The following ASXL3 variants were observed in gnomAD, a reference collection of about 807,000 sequenced individuals.
ASXL3 encodes the protein putative Polycomb group protein ASXL3.
Under a neutral mutation model 170.6 loss-of-function variants are expected in ASXL3, and 34 were observed. That is an observed-to-expected ratio of 0.20 (90% CI 0.15 to 0.27). ASXL3 has a LOEUF of 0.27. Ranked by LOEUF, ASXL3 falls within the 10% of genes least tolerant of loss-of-function variation. The pLI is 1.00. For missense variants in ASXL3, 2,592 were observed against 2,695.3 expected (o/e 0.96, Z 0.85); for synonymous variants, 1,002 against 989.1 (o/e 1.01, Z -0.24).
In ASXL3 at chr18:33,739,549, A is replaced by G; in HGVS notation, c.2145A>G (p.Glu715=). 1 of 1,613,960 alleles carries G rather than the reference A, an allele frequency of 6.2e-7. No homozygotes were observed. The highest frequency in any genetic ancestry group is 8.5e-7 in the Non-Finnish European group (1 of 1,179,858). Reference sequence around the variant, plus strand: ...TATCCAACTTACCTTTAACATCAGAAACCTCACCGATGTCTGACTTACCTT... The same window carrying G: ...TATCCAACTTACCTTTAACATCAGAGACCTCACCGATGTCTGACTTACCTT... ...SPVSNLPLTS[E]TSPMSDLPLT... Residue 715 remains glutamate (E), a synonymous_variant, in exon 11 of 12, where the codon GAA becomes GAG. Transcript: ENST00000269197.
At chr18:33,695,743 A>G (rs2066764243) in intron 8 of ASXL3, among the ~76,000 whole-genome samples, 1 of 152,118 alleles carries the variant, frequency 6.6e-6, no homozygotes, top group African/African-American at 2.4e-5. Context: ...GCATTAAGCC[A>G]CTTTCTTTCT....
chr18:33,639,094 A>G (rs1378293129), intron 2 of ASXL3, among the ~76,000 whole-genome samples: 1 of 152,166 alleles, frequency 6.6e-6, no homozygotes, highest in Non-Finnish European at 1.5e-5. Flanking sequence ...CATTCTTTTT[A>G]CATTTAGATG....
At chr18:33,579,486 C>CT (rs1420060150) in intron 1 of ASXL3, among the ~76,000 whole-genome samples, 1 of 152,132 alleles carries the variant, frequency 6.6e-6, no homozygotes, top group Admixed American at 6.5e-5. Flanking sequence ...TTTTCCTTTT[C>CT]TTTAACCTTT....
chr18:33,728,964 T>C (rs2067396126), intron 8 of ASXL3, among the ~76,000 whole-genome samples: 1 of 152,204 alleles, frequency 6.6e-6, no homozygotes, highest in Admixed American at 6.5e-5. Flanking sequence ...GTAATACATA[T>C]GCATGAGTAA....
At chr18:33,597,098 AC>A (rs1201621204) in intron 1 of ASXL3, among the ~76,000 whole-genome samples, 1 of 152,170 alleles carries the variant, frequency 6.6e-6, no homozygotes, top group Non-Finnish European at 1.5e-5. Context: ...TACAGACGTG[AC>A]CCACTGCGCC....
At position 33,738,510 on chromosome 18, in the gene ASXL3, C is replaced by A. The variant is rs1467506385; in HGVS notation, c.1106C>A (p.Ser369Tyr). 6.2e-7 allele frequency: 1 copy of A among 1,611,018 alleles called. No individual in the cohort carries two copies. Among genetic ancestry groups the A allele is most frequent in the African/African-American group, 1.3e-5 (1 of 74,800 alleles). ...GEKLGMSREE[S>Y]VKLTTGPNNA... ...AGGCTGGGCATGTCAAGAGAGGAATCTGTGAAGCTCACTACTGGACCAAAC... is the reference window on the plus strand; with the variant it reads ...AGGCTGGGCATGTCAAGAGAGGAATATGTGAAGCTCACTACTGGACCAAAC... The change falls in exon 11 of 12, where the codon TCT becomes TAT. Residue 369 changes from serine to tyrosine, a missense_variant. This residue lies in a region of ASXL3 where 2,246 missense variants were observed against 2,219.6 expected (regional missense o/e 1.01). Transcript: ENST00000269197.
Position 33,743,240 on chromosome 18 carries a change from C to G in ASXL3, c.3392C>G (p.Pro1131Arg), listed in dbSNP as rs2145424112. ...ACCTCTAAAGAGACCCGGTTGCCTC[C>G]TCCGCTCAGCTCAAAGGAAGGGCCT... ...FQTSKETRLP[P>R]PLSSKEGPPN... The change falls in exon 12 of 12, where the codon CCT (proline) becomes CGT (arginine). Residue 1131 changes from proline (P) to arginine (R), a missense_variant. Physicochemically the swap from Pro to Arg is moderately radical, Grantham distance 103. Transcript: ENST00000269197. The G allele has an allele frequency of 6.2e-7, 1 of 1,613,972 alleles. No individual in the cohort carries two copies. Among genetic ancestry groups the G allele is most frequent in the East Asian group, 2.2e-5 (1 of 44,884 alleles).
intron 2 of ASXL3, among the ~76,000 whole-genome samples, chr18:33,629,688 T>A (rs1442536537): frequency 2.6e-5 from 4 of 152,048 alleles, no homozygotes; most frequent in East Asian, 1.9e-4. Context: ...GTTGGAACAT[T>A]GATATTGCTG....
rs1471452410 is a variant in ASXL3, at chr18:33,646,882, G to C, written c.355+529G>C. On this transcript the variant is annotated intron_variant, in intron 4 of 11. Coordinates refer to ENST00000269197, the MANE Select transcript of ASXL3 (RefSeq NM_030632.3). ...CCTTCCAGAATTTTAAGGGGGAGCGGGGGGGGGGGGCATTTTTCACCTCTG... is the reference window on the plus strand; with the variant it reads ...CCTTCCAGAATTTTAAGGGGGAGCGCGGGGGGGGGGCATTTTTCACCTCTG... Among the ~76,000 whole-genome samples, 151 of 100,502 alleles carry C rather than the reference G, an allele frequency of 1.5e-3. 2 individuals are homozygous for C. The highest frequency in any genetic ancestry group is 0.013 in the Middle Eastern group (2 of 150). The allele number at this position is 100,502 out of a possible 152,430, so 65.9% of individuals were successfully genotyped here. A position where few individuals can be genotyped will look rare whatever the true frequency, so the allele number is the denominator to read the frequency against.
At chr18:33,659,178 G>A (rs560317129) in intron 4 of ASXL3, among the ~76,000 whole-genome samples, 2 of 152,020 alleles carry the variant, frequency 1.3e-5, no homozygotes, top group East Asian at 3.9e-4. Flanking sequence ...GGAGGGATGC[G>A]AGGCCTCAAT....
At chr18:33,653,366 C>G (rs2066031768) in intron 4 of ASXL3, among the ~76,000 whole-genome samples, 1 of 152,064 alleles carries the variant, frequency 6.6e-6, no homozygotes, top group South Asian at 2.1e-4. Flanking sequence ...TTTTGGGAGA[C>G]TAAGCTAATT....
chr18:33,652,603 C>CA lies in ASXL3; in HGVS notation c.355+6263dup, dbSNP rs554834298. Among the ~76,000 whole-genome samples the CA allele has an allele frequency of 2.1e-3, 231 of 112,298 alleles. 8 individuals carry two copies. The highest frequency in any genetic ancestry group is 7.8e-3 in the South Asian group (25 of 3,210). 73.7% of individuals were successfully genotyped at this position (112,298 alleles called of 152,430 possible). A position where few individuals can be genotyped will look rare whatever the true frequency, so the allele number is the denominator to read the frequency against. On this transcript the variant is annotated intron_variant, in intron 4 of 11. Coordinates refer to ENST00000269197, the MANE Select transcript of ASXL3 (RefSeq NM_030632.3). Reference sequence around the variant, plus strand: ...AGTATTTTAAAAGTTTCTGTTGGGGCAAAAAAAAAAAAAGAACATGAATCT... The same window carrying CA: ...AGTATTTTAAAAGTTTCTGTTGGGGCAAAAAAAAAAAAAAGAACATGAATCT...
intron 1 of ASXL3, among the ~76,000 whole-genome samples, chr18:33,582,160 T>C (rs2064998804): frequency 6.6e-6 from 1 of 152,226 alleles, no homozygotes; most frequent in Admixed American, 6.5e-5. Flanking sequence ...TGTCTTAATA[T>C]TTGTAGACCA....
In ASXL3 at chr18:33,647,520, G is replaced by C. The variant is rs545670927; in HGVS notation, c.355+1167G>C. On this transcript the variant is annotated intron_variant, in intron 4 of 11. Coordinates refer to ENST00000269197, the MANE Select transcript of ASXL3 (RefSeq NM_030632.3). ...TGGCTGGTCTTTGTGATTAGAGAGG[G>C]GAAAAGGCAGAGAATCACAGTAATT... Among the ~76,000 whole-genome samples, 6 of 152,014 alleles carry C rather than the reference G, an allele frequency of 3.9e-5. No homozygotes were observed. The South Asian group carries it at 1.2e-3, about 31-fold the overall frequency.
intron 2 of ASXL3, among the ~76,000 whole-genome samples, chr18:33,635,680 A>G (rs374294509): frequency 6.6e-6 from 1 of 152,224 alleles, no homozygotes; most frequent in African/African-American, 2.4e-5. Flanking sequence ...ATACACTGGA[A>G]TCACATTGTT....
chr18:33,653,211 G>A (rs1031969617), intron 4 of ASXL3, among the ~76,000 whole-genome samples: 1 of 152,010 alleles, frequency 6.6e-6, no homozygotes, highest in Non-Finnish European at 1.5e-5. Flanking sequence ...GTGTTCAGGA[G>A]GGTGGGGGTA....
At chr18:33,616,610 C>A (rs1022280158) in intron 2 of ASXL3, 5 of 152,186 alleles carry the variant, frequency 3.3e-5, no homozygotes, top group African/African-American at 1.2e-4. Flanking sequence ...TTGTCTTAGT[C>A]AGCTTAAGCT....
rs560383470 is a variant in ASXL3, at chr18:33,744,634, A to C, written c.4786A>C (p.Thr1596Pro). 1 of 1,606,782 alleles carries C rather than the reference A, an allele frequency of 6.2e-7. No individual in the cohort carries two copies. Among genetic ancestry groups the C allele is most frequent in the Admixed American group, 1.7e-5 (1 of 58,746 alleles). ...PAPFKSEADTTCSNQYNPSNR... is the reference protein window; with the variant it reads ...PAPFKSEADTPCSNQYNPSNR... ...TCCTTTCAAAAGTGAAGCAGACACAACCTGTAGCAATCAGTATAACCCAAG... is the reference window on the plus strand; with the variant it reads ...TCCTTTCAAAAGTGAAGCAGACACACCCTGTAGCAATCAGTATAACCCAAG... Residue 1596 changes from threonine to proline, a missense_variant, in exon 12 of 12, where the codon ACC (threonine) becomes CCC (proline). Transcript: ENST00000269197.
At chr18:33,681,871 T>C (rs2066521380) in intron 7 of ASXL3, among the ~76,000 whole-genome samples, 1 of 152,136 alleles carries the variant, frequency 6.6e-6, no homozygotes. Flanking sequence ...TATACTGCCC[T>C]CTATATATTT....
Sources: gnomAD v4.1 joint callset for allele counts (sites outside exome capture counted in the v4.1 genomes callset) on GRCh38, gnomAD v4.1.1 for gene constraint, gnomAD v4.1.1 regional missense constraint, MANE v1.5 for transcripts, NCBI Gene and HGNC (gene_info 2026-07-23, HGNC 2026-07-21) for gene names.